XAF1: variants seen among roughly 807,000 people sequenced by gnomAD.
XAF1 encodes the protein XIAP associated factor 1, also known as XIAP-associated factor 1.
Under a neutral mutation model 32.3 loss-of-function variants are expected in XAF1, and 32 were observed. The observed-to-expected ratio is 0.99, with a 90% CI of 0.75 to 1.33. The LOEUF (loss-of-function observed/expected upper bound fraction) is 1.33. XAF1 is among the 40% of genes most tolerant of loss of function. XAF1 has a pLI of 0.00. For synonymous variants in XAF1, 120 were observed against 125.9 expected (o/e 0.95, Z 0.31); for missense variants, 379 against 366.0 (o/e 1.04, Z -0.29).
At chr17:6,759,278 A>G in intron 2 of XAF1, 1 of 1,166,932 alleles carries the variant, frequency 8.6e-7, no homozygotes, top group Non-Finnish European at 1.1e-6. Context: ...GGCATAGGCA[A>G]GAGGTTCTGG....
intron 5 of XAF1, among the ~76,000 whole-genome samples, chr17:6,767,070 T>C (rs1430192603): frequency 6.6e-6 from 1 of 152,232 alleles, no homozygotes; most frequent in African/African-American, 2.4e-5. Context: ...ATAGAATCTA[T>C]TGACCATCTT....
chr17:6,759,290 T>G, intron 2 of XAF1: 1 of 1,190,844 alleles, frequency 8.4e-7, no homozygotes. Flanking sequence ...AGGTTCTGGT[T>G]TCAGGAAAGA....
chr17:6,756,111 G>A lies in XAF1; in HGVS notation c.32+1G>A, dbSNP rs768435132. 3.1e-6 allele frequency: 5 copies of A among 1,613,974 alleles called. No homozygotes were observed. In the East Asian group the frequency reaches 6.7e-5, roughly 22 times the overall value. On this transcript the variant is annotated splice_donor_variant, in intron 1 of 6. Transcript: ENST00000361842. LOFTEE classifies it high-confidence loss of function. ...GAGACTTCTCGGTGTGCAGGAACTG[G>A]TAAGAAAGTGCTTTCTCCAGCGGCA...
intron 4 of XAF1, 25 bp downstream of exon 4, chr17:6,760,626 G>A (rs766820667): frequency 1.9e-6 from 3 of 1,593,124 alleles, no homozygotes; most frequent in East Asian, 2.2e-5. Flanking sequence ...TGGGGTGGAA[G>A]AGAGACGTTC....
chr17:6,765,555 A>G (rs546067872), intron 5 of XAF1, among the ~76,000 whole-genome samples: 2 of 152,324 alleles, frequency 1.3e-5, no homozygotes, highest in Non-Finnish European at 2.9e-5. Flanking sequence ...CTTCACTTGA[A>G]TGCTTGATAG....
intron 3 of XAF1, 196 bp downstream of exon 3, chr17:6,759,914 G>A: frequency 1.1e-6 from 1 of 908,050 alleles, no homozygotes; most frequent in East Asian, 2.6e-5. Flanking sequence ...GATCAGAAGG[G>A]TTTTCCATGG....
intron 3 of XAF1, 42 bp from the exon 4 acceptor site, chr17:6,760,364 A>AAG: frequency 6.7e-7 from 1 of 1,497,750 alleles, no homozygotes; most frequent in East Asian, 2.5e-5. Flanking sequence ...AAAAAAAAAA[A>AAG]AAAAGGGCCA....
intron 2 of XAF1, chr17:6,759,298 A>T (rs1567647207): frequency 6.6e-6 from 8 of 1,204,000 alleles, no homozygotes; most frequent in Admixed American, 4.0e-5. Context: ...GTTTCAGGAA[A>T]GACTGGCTGT....
At chr17:6,756,027 T>C, upstream of XAF1, 2 of 1,613,360 alleles carry the variant, frequency 1.2e-6, no homozygotes, top group Non-Finnish European at 1.7e-6. Flanking sequence ...TCAGTTTTGT[T>C]TCCTTGCCTG....
chr17:6,770,459 T>C (rs1975935032), intron 5 of XAF1, among the ~76,000 whole-genome samples, 184 bp from the exon 6 acceptor site: 1 of 152,178 alleles, frequency 6.6e-6, no homozygotes, highest in Non-Finnish European at 1.5e-5. Context: ...AGACCTTCAT[T>C]CCTGGAATGC....
At position 6,768,214 on chromosome 17, in the gene XAF1, C is replaced by T. The variant is rs7225704; in HGVS notation, c.508-2429C>T. ...TCTTGGCTCACTGCAGCCTTCGCCT[C>T]CTGGGTTCAAGCAGTTCTCCTGCCT... On this transcript the variant is annotated intron_variant, in intron 5 of 6. Transcript: ENST00000361842. Among the ~76,000 whole-genome samples, 777 of 151,998 alleles carry T rather than the reference C, an allele frequency of 5.1e-3. 5 individuals are homozygous for T. Among genetic ancestry groups the T allele is most frequent in the Non-Finnish European group, 8.9e-3 (602 of 67,990 alleles).
At chr17:6,755,492 C>T (rs1373451052), upstream of XAF1, 1 of 987,596 alleles carries the variant, frequency 1.0e-6, no homozygotes, top group East Asian at 1.1e-4. Context: ...TTTCTAGGGT[C>T]TGGAAAAACT....
intron 2 of XAF1, chr17:6,758,600 A>C (rs1408563332): frequency 2.9e-6 from 1 of 350,522 alleles, no homozygotes; most frequent in Admixed American, 4.1e-5. Flanking sequence ...CTGGGAGTCA[A>C]GGCGAGTGTT....
chr17:6,755,845 C>CAG (rs1567641363), upstream of XAF1: 31 of 1,355,334 alleles, frequency 2.3e-5, no homozygotes, highest in African/African-American at 4.4e-4. Context: ...GAGGTAGATG[C>CAG]GGCTGTGACA....
intron 5 of XAF1, among the ~76,000 whole-genome samples, chr17:6,767,873 C>T (rs955547471): frequency 5.3e-5 from 8 of 151,910 alleles, no homozygotes; most frequent in Non-Finnish European, 8.8e-5. Context: ...CAATAGTTAC[C>T]CTTAACATTT....
In XAF1 at chr17:6,759,629, GGTGTGTGTGT is replaced by G. The variant is rs3833979; in HGVS notation, c.169-14_169-5del. ...CTGGGTGCTGGGTGGACCCACATCT[GGTGTGTGTGT>G]GTGTGTGTGTGTGTGTGTTTAGGTT... On this transcript the variant is annotated intron_variant, in intron 2 of 6. Transcript: ENST00000361842. 7.9e-6 allele frequency: 12 copies of G among 1,512,348 alleles called. No homozygotes were observed. The South Asian group carries it at 1.1e-4, about 14-fold the overall frequency. The allele number at this position is 1,512,348 out of a possible 1,614,324, so 93.7% of individuals were successfully genotyped here.
chr17:6,765,391 C>A (rs760452291), intron 5 of XAF1, among the ~76,000 whole-genome samples: 2 of 151,804 alleles, frequency 1.3e-5, no homozygotes, highest in Non-Finnish European at 2.9e-5. Context: ...GCAGCCTGGG[C>A]GACAGAGCGA....
rs1039502098 is a variant in XAF1, at chr17:6,773,891, G to T, written c.*722G>T. On this transcript the variant is annotated 3_prime_UTR_variant, in exon 7 of 7. Transcript: ENST00000361842. Reference sequence around the variant, plus strand: ...CAAAAATTACAAAACACTGCTGAAAGAAATCAGAGATGACACAAATGGAAA... The same window carrying T: ...CAAAAATTACAAAACACTGCTGAAATAAATCAGAGATGACACAAATGGAAA... The T allele has an allele frequency of 5.9e-5, 9 of 152,150 alleles. No individual in the cohort carries two copies. Among genetic ancestry groups the T allele is most frequent in the African/African-American group, 1.9e-4 (8 of 41,432 alleles). 9.4% of individuals were successfully genotyped at this position (152,150 alleles called of 1,614,324 possible).
At position 6,774,185 on chromosome 17, in the gene XAF1, T is replaced by C. The variant is rs1246163943; in HGVS notation, c.*1016T>C. ...TACAGTAACCAAAACTGCATGATAC[T>C]GGTACAAAAGCATGGTGCTGGTACA... is the stretch of plus-strand genomic sequence containing the variant. On this transcript the variant is annotated 3_prime_UTR_variant, in exon 7 of 7. Transcript: ENST00000361842. The C allele has an allele frequency of 6.6e-6, 1 of 152,222 alleles. No individual in the cohort carries two copies. Among genetic ancestry groups the C allele is most frequent in the Non-Finnish European group, 1.5e-5 (1 of 68,040 alleles). The allele number at this position is 152,222 out of a possible 1,614,324, so 9.4% of individuals were successfully genotyped here.
Sources: allele counts gnomAD v4.1 joint callset (sites outside exome capture counted in the v4.1 genomes callset), GRCh38; gene constraint gnomAD v4.1.1; transcripts MANE v1.5; gene names NCBI Gene and HGNC (gene_info 2026-07-23, HGNC 2026-07-21).